The following PRDM10 variants were observed in gnomAD, a reference collection of about 807,000 sequenced individuals.
The protein encoded by PRDM10 is PR/SET domain 10.
A neutral mutation model predicts 133.1 loss-of-function variants in PRDM10; 65 were observed. The ratio of observed to expected loss-of-function variants is 0.49; its 90% CI spans 0.40 to 0.60. PRDM10 has a LOEUF of 0.60. PRDM10 is among the 20% of genes least tolerant of loss of function. The pLI is 0.00. For synonymous variants in PRDM10, 582 were observed against 580.4 expected (o/e 1.00, Z -0.04); for missense variants, 1,137 against 1,507.1 (o/e 0.75, Z 4.07).
At chr11:129,989,940 T>C (rs1379093228) in intron 1 of PRDM10, among the ~76,000 whole-genome samples, 1 of 152,092 alleles carries the variant, frequency 6.6e-6, no homozygotes, top group Non-Finnish European at 1.5e-5. Context: ...CGGTGGCTCA[T>C]GCCTGTAATC....
intron 19 of PRDM10, among the ~76,000 whole-genome samples, chr11:129,908,186 T>A (rs1350691695): frequency 6.6e-6 from 1 of 151,882 alleles, no homozygotes; most frequent in Admixed American, 6.6e-5. Context: ...AAATAGTTTT[T>A]TTCAGCTGAC....
In PRDM10 at chr11:129,915,022, A is replaced by G. The variant is rs201852274; in HGVS notation, c.2527-4T>C. ...GAATGTGCTGGACCATCTTGGTCTGAAAAAGCAAGGCAAAAAACAAGAATA... is the reference window on the plus strand; with the variant it reads ...GAATGTGCTGGACCATCTTGGTCTGGAAAAGCAAGGCAAAAAACAAGAATA... On this transcript the variant is annotated splice_polypyrimidine_tract_variant and splice_region_variant and intron_variant, in intron 16 of 20. Transcript: ENST00000360871. 361 of 1,570,052 alleles carry G rather than the reference A, an allele frequency of 2.3e-4. No individual in the cohort carries two copies. Among genetic ancestry groups the G allele is most frequent in the Non-Finnish European group, 3.0e-4 (344 of 1,153,908 alleles).
rs2135886382 is a variant in PRDM10 at position 129,947,554 on chromosome 11, A to T, written c.295-184T>A. The T allele has an allele frequency of 2.7e-6, 4 of 1,457,518 alleles. No homozygotes were observed. In the East Asian group the frequency reaches 9.7e-5, roughly 35 times the overall value. 90.3% of individuals were successfully genotyped at this position (1,457,518 alleles called of 1,614,324 possible). On this transcript the variant is annotated intron_variant, in intron 4 of 20. Coordinates refer to ENST00000360871, the MANE Select transcript of PRDM10 (RefSeq NM_199437.2). This position sits in a 1 kb window ranked among gnomAD's most constrained non-coding sequence, Gnocchi z 4.6. ...TGAGGAAGAGCTGGCTTCATTTTTG[A>T]TCTGACTGCTCACAGCCTTTAAGCC...
chr11:129,931,034 G>T lies in PRDM10; in HGVS notation c.1512C>A (p.Arg504=). Residue 504 remains arginine (R), a synonymous_variant, in exon 11 of 21, where the codon CGC becomes CGA. Coordinates refer to ENST00000360871, the MANE Select transcript of PRDM10 (RefSeq NM_199437.2). ...CACTTACTCGGATGCGCTTGGCTCT[G>T]CGCATGTCGTCGGCTGTCAGCGTGC... The part of the protein sequence containing the change: ...TQSTLTADDM[R]RAKRIRNAAL... 2 of 1,613,222 alleles carry T rather than the reference G, an allele frequency of 1.2e-6. No homozygotes were observed. The highest frequency in any genetic ancestry group is 1.7e-6 in the Non-Finnish European group (2 of 1,179,588).
intron 14 of PRDM10, among the ~76,000 whole-genome samples, chr11:129,917,772 C>T (rs367926881): frequency 2.6e-5 from 4 of 152,218 alleles, no homozygotes; most frequent in African/African-American, 9.6e-5. Context: ...GATGCACATA[C>T]CCTGCTTTGA....
intron 1 of PRDM10, among the ~76,000 whole-genome samples, chr11:129,977,020 A>T (rs1937795909): frequency 6.6e-6 from 1 of 152,042 alleles, no homozygotes; most frequent in Admixed American, 6.6e-5. Flanking sequence ...GCCCTCCCAG[A>T]TGCTGTTTCA....
chr11:129,957,056 G>A (rs906717893), intron 3 of PRDM10, among the ~76,000 whole-genome samples: 15 of 152,154 alleles, frequency 9.9e-5, no homozygotes, highest in African/African-American at 3.4e-4. Flanking sequence ...TTCTAGTACA[G>A]CCTTGCAAAT....
Position 129,947,688 on chromosome 11 carries a change from A to G in PRDM10, c.295-318T>C. On this transcript the variant is annotated intron_variant, in intron 4 of 20. Transcript: ENST00000360871. This position sits in a 1 kb window ranked among gnomAD's most constrained non-coding sequence, Gnocchi z 4.6. ...GAGAGTCAACACTGGCAAGGCCCTG[A>G]CCACCTGCGTCCTGACCCCACCCCT... 6.2e-6 allele frequency: 4 copies of G among 644,118 alleles called. No individual in the cohort carries two copies. Among genetic ancestry groups the G allele is most frequent in the Non-Finnish European group, 9.8e-6 (4 of 406,364 alleles). 39.9% of individuals were successfully genotyped at this position (644,118 alleles called of 1,614,324 possible).
chr11:129,905,657 T>C lies in PRDM10; in HGVS notation c.3248A>G (p.Gln1083Arg). The change falls in exon 20 of 21, where the codon CAG becomes CGG. Residue 1083 changes from glutamine to arginine, a missense_variant. By Grantham distance (43) the Gln-to-Arg change is conservative (BLOSUM62 1). Around this residue, in one of 6 missense-constraint regions of PRDM10, gnomAD observed 243 missense variants for 259.2 expected, o/e 0.94. Coordinates refer to ENST00000360871, the MANE Select transcript of PRDM10 (RefSeq NM_199437.2). ...GCTTACCGAAGTAACCGCCTTCACC[T>C]GGCCAGTAGTAACTGGAGTTGCCAC... Reference protein sequence around the residue: ...SGVATPVTTGQVKAVTSGHYV... With the variant: ...SGVATPVTTGRVKAVTSGHYV... 6.2e-7 allele frequency: 1 copy of C among 1,614,100 alleles called. No homozygotes were observed. The highest frequency in any genetic ancestry group is 1.6e-4 in the Middle Eastern group (1 of 6,062).
intron 11 of PRDM10, among the ~76,000 whole-genome samples, chr11:129,925,512 G>T (rs1346181253): frequency 6.6e-6 from 1 of 152,292 alleles, no homozygotes; most frequent in Middle Eastern, 3.4e-3. Context: ...CAAAAAAAGT[G>T]TTCCCAATAG....
At position 129,928,565 on chromosome 11, in the gene PRDM10, A is replaced by AT. The variant is rs200039090; in HGVS notation, c.1530+2450dup. Among the ~76,000 whole-genome samples the AT allele has an allele frequency of 3.8e-3, 574 of 150,124 alleles. 5 individuals carry two copies. Among genetic ancestry groups the AT allele is most frequent in the African/African-American group, 0.013 (545 of 40,916 alleles). On this transcript the variant is annotated intron_variant, in intron 11 of 20. Coordinates refer to ENST00000360871, the MANE Select transcript of PRDM10 (RefSeq NM_199437.2). ...CCACCATGTCCACCTATTTTTTTGT[A>AT]TTTTTTTTTAGTAGAGACAGGGTTT...
chr11:129,988,395 G>C (rs1565513748), intron 1 of PRDM10, among the ~76,000 whole-genome samples: 2 of 151,866 alleles, frequency 1.3e-5, no homozygotes, highest in Non-Finnish European at 2.9e-5. Flanking sequence ...TATGAGACTG[G>C]CAATTTTTAT....
In PRDM10 at chr11:129,914,666, G is replaced by A. The variant is rs115260710; in HGVS notation, c.2841+38C>T. The stretch of plus-strand genomic sequence containing the variant: ...AGAATGAGGTGCTAGTGGCAACACG[G>A]CATTCATAAGGCAAAGGGAAACCAA... On this transcript the variant is annotated intron_variant, in intron 17 of 20. Coordinates refer to ENST00000360871, the MANE Select transcript of PRDM10 (RefSeq NM_199437.2). 1.3e-4 allele frequency: 202 copies of A among 1,610,524 alleles called. No individual in the cohort carries two copies. In the African/African-American group the frequency reaches 2.3e-3, roughly 18 times the overall value.
intron 1 of PRDM10, among the ~76,000 whole-genome samples, chr11:130,000,043 T>A (rs1458374085): frequency 9.5e-6 from 1 of 105,468 alleles, no homozygotes; most frequent in East Asian, 2.4e-4. Context: ...CGCTTCTAAA[T>A]TTTTTTTTTT....
intron 6 of PRDM10, among the ~76,000 whole-genome samples, chr11:129,944,511 G>A (rs1951335332): frequency 1.3e-5 from 2 of 151,390 alleles, no homozygotes; most frequent in Admixed American, 6.6e-5. Context: ...CGTGAACCCG[G>A]AAGGCGGAGC....
intron 20 of PRDM10, among the ~76,000 whole-genome samples, chr11:129,904,292 T>C (rs1337910630): frequency 6.6e-6 from 1 of 152,146 alleles, no homozygotes; most frequent in East Asian, 1.9e-4. Flanking sequence ...AGAGCATTTT[T>C]CCTTTTTTTT....
chr11:129,966,440 T>C (rs1951909147), intron 1 of PRDM10, among the ~76,000 whole-genome samples: 1 of 152,188 alleles, frequency 6.6e-6, no homozygotes, highest in Non-Finnish European at 1.5e-5. Flanking sequence ...AGTCAGGACA[T>C]AGGGTCACTG....
In PRDM10 at chr11:129,912,086, T is replaced by TGGGCGGAGGACG. The variant is rs1565451833; in HGVS notation, c.2969_2980dup (p.Pro990_Ala993dup). 6.2e-7 allele frequency: 1 copy of TGGGCGGAGGACG among 1,605,596 alleles called. No individual in the cohort carries two copies. Among genetic ancestry groups the TGGGCGGAGGACG allele is most frequent in the Non-Finnish European group, 8.5e-7 (1 of 1,176,018 alleles). ...CAAATAGTCTGTGGAGCAGGGTACCTGGGCGGAGGACGGGGCCGAGGCGGT... is the reference window on the plus strand; with the variant it reads ...CAAATAGTCTGTGGAGCAGGGTACCTGGGCGGAGGACGGGGCGGAGGACGGGGCCGAGGCGGT... On this transcript the variant is annotated inframe_insertion and splice_region_variant, in exon 18 of 21. Coordinates refer to ENST00000360871, the MANE Select transcript of PRDM10 (RefSeq NM_199437.2).
At chr11:129,984,272 G>A (rs928050367) in intron 1 of PRDM10, among the ~76,000 whole-genome samples, 6 of 152,312 alleles carry the variant, frequency 3.9e-5, no homozygotes, top group East Asian at 1.9e-4. Flanking sequence ...CCTTCTCTGC[G>A]CACCAGCTAG....
Sources: allele counts gnomAD v4.1 joint callset (sites outside exome capture counted in the v4.1 genomes callset), GRCh38; gene constraint gnomAD v4.1.1; regional missense constraint gnomAD v4.1.1; non-coding constraint Gnocchi (gnomAD v3.1); transcripts MANE v1.5; gene names NCBI Gene and HGNC (gene_info 2026-07-23, HGNC 2026-07-21).